DAB1: variants seen among roughly 807,000 people sequenced by gnomAD.
DAB1 encodes the protein disabled homolog 1.
In DAB1, 15 loss-of-function variants were observed where a neutral mutation model predicts 64.6. The observed-to-expected ratio is 0.23, with a 90% CI of 0.16 to 0.36. The LOEUF (loss-of-function observed/expected upper bound fraction) is 0.36, where lower values mean the gene tolerates loss of function less well. Among genes scored for constraint, DAB1 ranks in the 10% least tolerant of loss-of-function variants. The probability of loss-of-function intolerance (pLI) is 1.00; values close to 1 mark genes in which losing one functional copy is unlikely to be tolerated. For synonymous variants in DAB1, 235 were observed against 251.9 expected, an observed-to-expected ratio of 0.93 and a Z score of 0.64; for missense variants, 596 against 706.7, an observed-to-expected ratio of 0.84 and a Z score of 1.78.
At chr1:57,557,510 C>A (rs573891792) in intron 7 of DAB1, among the ~76,000 whole-genome samples, 42 of 151,830 alleles carry the variant, frequency 2.8e-4, no homozygotes, top group African/African-American at 9.7e-4. Flanking sequence ...CTCTAGAAAA[C>A]CCTGACTAAT....
intron 7 of DAB1, among the ~76,000 whole-genome samples, chr1:57,591,117 C>A (rs1452200695): frequency 1.3e-5 from 2 of 152,136 alleles, no homozygotes; most frequent in South Asian, 2.1e-4. Context: ...CCCTTGAATG[C>A]AGCGACTCTC....
chr1:58,418,315 A>G (rs1644741687), intron 3 of DAB1, among the ~76,000 whole-genome samples: 1 of 152,202 alleles, frequency 6.6e-6, no homozygotes, highest in African/African-American at 2.4e-5. Context: ...TCTTGTTAAA[A>G]TAGGAGAAAA....
intron 7 of DAB1, among the ~76,000 whole-genome samples, chr1:57,513,701 C>T (rs552358445): frequency 2.0e-5 from 3 of 152,292 alleles, no homozygotes; most frequent in African/African-American, 7.2e-5. Flanking sequence ...ATGGTGAGAA[C>T]ACTTAAGATC....
At chr1:57,001,979 T>C (rs1476965929) in intron 14 of DAB1, among the ~76,000 whole-genome samples, 1 of 152,200 alleles carries the variant, frequency 6.6e-6, no homozygotes, top group Non-Finnish European at 1.5e-5. Flanking sequence ...TCCCGAATTC[T>C]GAATGAAGCT....
chr1:57,716,051 A>G (rs1647080154), intron 6 of DAB1, among the ~76,000 whole-genome samples: 1 of 152,162 alleles, frequency 6.6e-6, no homozygotes, highest in Non-Finnish European at 1.5e-5. Context: ...CTGGGATTAC[A>G]GGCACCTGCC....
chr1:58,118,691 C>G (rs1363732895), intron 5 of DAB1, among the ~76,000 whole-genome samples: 2 of 146,114 alleles, frequency 1.4e-5, no homozygotes, highest in Non-Finnish European at 3.0e-5. Context: ...TATATATATC[C>G]TCATAAACTC....
At chr1:57,239,890 G>A (rs1194809296) in intron 2 of DAB1, among the ~76,000 whole-genome samples, 2 of 152,140 alleles carry the variant, frequency 1.3e-5, no homozygotes, top group Non-Finnish European at 2.9e-5. Flanking sequence ...AACTTTTAAA[G>A]TGCCTCTGAT....
chr1:57,838,326 TAAA>T (rs1441706003), intron 1 of DAB1, among the ~76,000 whole-genome samples: 1 of 152,228 alleles, frequency 6.6e-6, no homozygotes, highest in African/African-American at 2.4e-5. Context: ...AAAAAATTCT[TAAA>T]GAAAATGCAA....
chr1:57,025,763 C>CA (rs1452433374), intron 10 of DAB1, among the ~76,000 whole-genome samples: 2 of 152,220 alleles, frequency 1.3e-5, no homozygotes, highest in African/African-American at 4.8e-5. Flanking sequence ...GTTTATTTCT[C>CA]AAAACAGAGG....
intron 2 of DAB1, among the ~76,000 whole-genome samples, chr1:57,213,660 T>A (rs1468480210): frequency 6.6e-6 from 1 of 152,228 alleles, no homozygotes; most frequent in African/African-American, 2.4e-5. Flanking sequence ...GAAGAAAACA[T>A]CAGAACTGCA....
intron 7 of DAB1, among the ~76,000 whole-genome samples, chr1:57,435,794 G>T (rs957824197): frequency 6.6e-6 from 1 of 151,740 alleles, no homozygotes; most frequent in African/African-American, 2.4e-5. Context: ...AGTAGAAAGA[G>T]TACACTTTAA....
chr1:57,904,153 C>T (rs974625380), intron 5 of DAB1, among the ~76,000 whole-genome samples: 3 of 152,170 alleles, frequency 2.0e-5, no homozygotes, highest in Non-Finnish European at 4.4e-5. Context: ...CAGGCCTCAG[C>T]CTGAGATTCT....
At chr1:58,455,332 CACCT>C (rs2100301337) in intron 3 of DAB1, among the ~76,000 whole-genome samples, 2 of 152,368 alleles carry the variant, frequency 1.3e-5, no homozygotes, top group South Asian at 4.1e-4. Context: ...TACTCACCAA[CACCT>C]GTCAGTCATC....
intron 8 of DAB1, among the ~76,000 whole-genome samples, chr1:57,067,035 A>G (rs933120369): frequency 6.6e-6 from 1 of 152,158 alleles, no homozygotes; most frequent in Middle Eastern, 3.2e-3. Flanking sequence ...GAGGCGCCTA[A>G]TAGCAGCCCC....
intron 1 of DAB1, among the ~76,000 whole-genome samples, chr1:57,302,178 AC>A (rs199804869): frequency 0.022 from 3,377 of 152,256 alleles, 127 homozygotes; most frequent in African/African-American, 0.076. Flanking sequence ...TATCTCCCTG[AC>A]AAAAAAGCAC....
intron 6 of DAB1, among the ~76,000 whole-genome samples, chr1:57,712,569 A>G (rs999539222): frequency 3.3e-5 from 5 of 152,232 alleles, no homozygotes; most frequent in Non-Finnish European, 7.3e-5. Flanking sequence ...GTTATCTTAA[A>G]ATGTCAGTCT....
At chr1:58,113,873 A>G (rs1232048407) in intron 5 of DAB1, among the ~76,000 whole-genome samples, 1 of 152,136 alleles carries the variant, frequency 6.6e-6, no homozygotes, top group Non-Finnish European at 1.5e-5. Context: ...CCCAAGCATT[A>G]TAACTGTTCT....
intron 1 of DAB1, among the ~76,000 whole-genome samples, chr1:57,314,195 G>A (rs921509979): frequency 2.0e-5 from 3 of 152,190 alleles, no homozygotes; most frequent in Admixed American, 6.5e-5. Context: ...TGAGAACATG[G>A]TTGTTCTCAA....
rs535602810 is a variant in DAB1, at chr1:57,603,925, C to T, written n.625+45667G>A. 2.0e-5 allele frequency among the ~76,000 whole-genome samples: 3 copies of T among 152,326 alleles called. No homozygotes were observed. In the South Asian group the frequency reaches 6.2e-4, roughly 32 times the overall value. On this transcript the variant is annotated intron_variant and non_coding_transcript_variant, in intron 7 of 20. Transcript: ENST00000485760. ...AGTGTGCACACAGTATTAAACCCGACCGTTACCACACTTCTCATTCCCAAA... is the reference window on the plus strand; with the variant it reads ...AGTGTGCACACAGTATTAAACCCGATCGTTACCACACTTCTCATTCCCAAA...
Sources: allele counts gnomAD v4.1 joint callset (sites outside exome capture counted in the v4.1 genomes callset), GRCh38; gene constraint gnomAD v4.1.1; transcripts MANE v1.5; gene names NCBI Gene and HGNC (gene_info 2026-07-23, HGNC 2026-07-21).